The following PKP2 variants were observed in gnomAD, a reference collection of about 807,000 sequenced individuals.
PKP2 encodes the protein plakophilin-2.
PKP2 carries 73 observed loss-of-function variants against 83.4 expected under a neutral mutation model. The observed-to-expected ratio is 0.88, with a 90% CI of 0.72 to 1.06. PKP2 has a LOEUF of 1.06. PKP2 is among the 50% of genes least tolerant of loss of function. PKP2 has a pLI of 0.00. For synonymous variants in PKP2, 409 were observed against 430.4 expected, an observed-to-expected ratio of 0.95 and a Z score of 0.62; for missense variants, 966 against 1,065.4, an observed-to-expected ratio of 0.91 and a Z score of 1.30.
intron 4 of PKP2, among the ~76,000 whole-genome samples, chr12:32,866,097 G>A (rs2137910537): frequency 6.6e-6 from 1 of 152,076 alleles, no homozygotes; most frequent in African/African-American, 2.4e-5. Context: ...ACAACTGGGA[G>A]AAAATATTTT....
intron 11 of PKP2, 106 bp from the exon 12 acceptor site, chr12:32,792,837 A>C (rs1956084023): frequency 1.2e-6 from 1 of 829,212 alleles, no homozygotes; most frequent in African/African-American, 1.7e-5. Flanking sequence ...GCTACTCCGC[A>C]GCAGCCATCC....
intron 9 of PKP2, among the ~76,000 whole-genome samples, chr12:32,815,993 G>A (rs762776520): frequency 2.0e-5 from 3 of 152,144 alleles, no homozygotes; most frequent in Non-Finnish European, 4.4e-5. Context: ...TAATTCTCTG[G>A]TCAACTGTTT....
chr12:32,800,356 C>T (rs909251473), intron 10 of PKP2, among the ~76,000 whole-genome samples: 1 of 152,176 alleles, frequency 6.6e-6, no homozygotes, highest in African/African-American at 2.4e-5. Context: ...CTGAAATGGA[C>T]AAGTACTCAA....
chr12:32,886,914 G>T (rs1400255724), intron 1 of PKP2, among the ~76,000 whole-genome samples: 2 of 152,034 alleles, frequency 1.3e-5, no homozygotes, highest in Non-Finnish European at 2.9e-5. Flanking sequence ...TGGGTGGATT[G>T]CTTGAGCCCT....
chr12:32,877,939 C>T lies in PKP2; in HGVS notation c.941G>A (p.Gly314Glu), dbSNP rs139903989. The change falls in exon 3 of 13, where the codon GGG becomes GAG. Residue 314 changes from glycine (G) to glutamate (E), a missense_variant. By Grantham distance (98) the Gly-to-Glu change is moderately conservative. Coordinates refer to ENST00000340811, the MANE Select transcript of PKP2 (RefSeq NM_001005242.3). ...AGPSVAVDSS[G>E]RRAHLTVGQA... ...GCCGACAGTCAAGTGCGCTCTCCTC[C>T]CGCTGGAATCCACGGCGACACTGGG... is the stretch of plus-strand genomic sequence containing the variant. 8.4e-5 allele frequency: 136 copies of T among 1,614,054 alleles called. No individual in the cohort carries two copies. Among genetic ancestry groups the T allele is most frequent in the Middle Eastern group, 1.6e-4 (1 of 6,082 alleles).
At chr12:32,800,277 A>G (rs1027482272) in intron 10 of PKP2, among the ~76,000 whole-genome samples, 6 of 152,220 alleles carry the variant, frequency 3.9e-5, no homozygotes, top group Non-Finnish European at 8.8e-5. Flanking sequence ...TCAACTTCAG[A>G]TGAGGCTGTG....
intron 6 of PKP2, among the ~76,000 whole-genome samples, chr12:32,826,260 C>T (rs1162181346): frequency 7.2e-6 from 1 of 138,510 alleles, no homozygotes; most frequent in Non-Finnish European, 1.5e-5. Context: ...GAGCCGAGAT[C>T]GTGCCACTGC....
At chr12:32,818,377 C>G (rs2892685) in intron 9 of PKP2, among the ~76,000 whole-genome samples, 3 of 151,996 alleles carry the variant, frequency 2.0e-5, no homozygotes, top group African/African-American at 7.2e-5. Context: ...ACGAGAATTA[C>G]TTGAACCCAG....
intron 11 of PKP2, 133 bp downstream of exon 11, chr12:32,795,976 G>A: frequency 3.7e-6 from 3 of 807,240 alleles, no homozygotes; most frequent in Admixed American, 1.9e-5. Flanking sequence ...CAGATGATCT[G>A]GCCTGGCTTT....
chr12:32,869,409 AC>A (rs200659667), intron 3 of PKP2, among the ~76,000 whole-genome samples: 2,555 of 151,230 alleles, frequency 0.017, 29 homozygotes, highest in Non-Finnish European at 0.025. Context: ...ACATGGTGAA[AC>A]CCTATCTCTA....
Position 32,821,372 on chromosome 12 carries a change from G to C in PKP2, c.1997C>G (p.Thr666Arg). The change falls in exon 9 of 13, where the codon ACG (threonine) becomes AGG (arginine). Residue 666 changes from threonine (T) to arginine (R), a missense_variant. By Grantham distance (71) the Thr-to-Arg change is moderately conservative (BLOSUM62 -1). Transcript: ENST00000340811. ...AATACTCACTGGTCCACTTCCGGCCGTGAGGTTCTGCAGAGCTCCTAAGGA... is the reference window on the plus strand; with the variant it reads ...AATACTCACTGGTCCACTTCCGGCCCTGAGGTTCTGCAGAGCTCCTAAGGA... The part of the protein sequence containing the change: ...EASLGALQNL[T>R]AGSGPMPTSV... 1.2e-6 allele frequency: 2 copies of C among 1,614,052 alleles called. No homozygotes were observed. The highest frequency in any genetic ancestry group is 1.7e-6 in the Non-Finnish European group (2 of 1,179,968).
At chr12:32,842,704 C>CTGCTTTGT (rs1956606369) in intron 5 of PKP2, among the ~76,000 whole-genome samples, 1 of 152,064 alleles carries the variant, frequency 6.6e-6, no homozygotes, top group Non-Finnish European at 1.5e-5. Flanking sequence ...AGATGGAGTA[C>CTGCTTTGT]TGCTTTGTTG....
At position 32,823,904 on chromosome 12, in the gene PKP2, G is replaced by T. The variant is rs1209266084; in HGVS notation, c.1674+141C>A. On this transcript the variant is annotated intron_variant, in intron 7 of 12. Coordinates refer to ENST00000340811, the MANE Select transcript of PKP2 (RefSeq NM_001005242.3). ...GCGTGAGCCACCATGCCTGGCCTAGGTTTTAATATTTCTAAGGATGAATGG... is the reference window on the plus strand; with the variant it reads ...GCGTGAGCCACCATGCCTGGCCTAGTTTTTAATATTTCTAAGGATGAATGG... 5.9e-6 allele frequency: 4 copies of T among 683,228 alleles called. No individual in the cohort carries two copies. The Admixed American group carries it at 8.3e-5, about 14-fold the overall frequency. The allele number at this position is 683,228 out of a possible 1,614,324, so 42.3% of individuals were successfully genotyped here.
chr12:32,841,505 A>G (rs1263810760), intron 5 of PKP2, among the ~76,000 whole-genome samples: 1 of 152,196 alleles, frequency 6.6e-6, no homozygotes, highest in Non-Finnish European at 1.5e-5. Flanking sequence ...GTTTCTCCTA[A>G]AGGGCCCTAC....
chr12:32,817,696 T>C (rs567448939), intron 9 of PKP2, among the ~76,000 whole-genome samples: 43 of 152,246 alleles, frequency 2.8e-4, no homozygotes, highest in Non-Finnish European at 5.4e-4. Flanking sequence ...ATGAAGATAT[T>C]CTTCCATGTA....
intron 6 of PKP2, among the ~76,000 whole-genome samples, chr12:32,829,777 C>T (rs1956481380): frequency 6.6e-6 from 1 of 152,154 alleles, no homozygotes; most frequent in Non-Finnish European, 1.5e-5. Flanking sequence ...TCTCCTTCCT[C>T]AGCCTCCTGA....
At chr12:32,808,950 C>T (rs1021112671) in intron 9 of PKP2, among the ~76,000 whole-genome samples, 1 of 152,130 alleles carries the variant, frequency 6.6e-6, no homozygotes, top group Non-Finnish European at 1.5e-5. Context: ...CCCAAATGCT[C>T]GTTTCAGAGG....
chr12:32,805,534 C>G (rs1956219186), intron 9 of PKP2, among the ~76,000 whole-genome samples: 1 of 152,152 alleles, frequency 6.6e-6, no homozygotes, highest in Admixed American at 6.5e-5. Flanking sequence ...CTAGCCAGTT[C>G]TCCCAGCACC....
rs1591829338 is a variant in PKP2, at chr12:32,879,004, A to C, written c.252T>G (p.Pro84=). 1 of 1,599,326 alleles carries C rather than the reference A, an allele frequency of 6.3e-7. No homozygotes were observed. The highest frequency in any genetic ancestry group is 8.6e-7 in the Non-Finnish European group (1 of 1,168,190). ...CCAAGTGTAGGTTGTAGACATACTC[A>C]GGAACACTGCTGGTTCGGTGAAGAT... is the stretch of plus-strand genomic sequence containing the variant. ...NGNLHRTSSV[P]EYVYNLHLVE... is the part of the protein sequence containing the mutation. The change falls in exon 2 of 13, where the codon CCT becomes CCG. Residue 84 remains proline, a synonymous_variant. Transcript: ENST00000340811.
Sources: gnomAD v4.1 joint callset for allele counts (sites outside exome capture counted in the v4.1 genomes callset) on GRCh38, gnomAD v4.1.1 for gene constraint, MANE v1.5 for transcripts, NCBI Gene and HGNC (gene_info 2026-07-23, HGNC 2026-07-21) for gene names.